The following MMP9 variants were observed in gnomAD, a reference collection of about 807,000 sequenced individuals.
The protein encoded by MMP9 is matrix metallopeptidase 9, also known as matrix metalloproteinase-9.
Under a neutral mutation model 76.4 loss-of-function variants are expected in MMP9, and 73 were observed. That is an observed-to-expected ratio of 0.96 (90% confidence interval 0.79 to 1.16). The LOEUF (loss-of-function observed/expected upper bound fraction) is 1.16, where lower values mean the gene tolerates loss of function less well. MMP9 is among the 50% of genes most tolerant of loss of function. The pLI is 0.00. For synonymous variants in MMP9, 412 were observed against 408.4 expected (o/e 1.01, Z -0.11); for missense variants, 943 against 973.0 (o/e 0.97, Z 0.41).
chr20:46,012,335 CGGG>C, intron 7 of MMP9, 22 bp downstream of exon 7: 1 of 1,612,632 alleles, frequency 6.2e-7, no homozygotes, highest in East Asian at 2.2e-5. Flanking sequence ...CCCGCGGCTC[CGGG>C]GCTGGGGTTC....
At chr20:46,014,547 G>A in intron 12 of MMP9, 73 bp downstream of exon 12, 3 of 1,443,510 alleles carry the variant, frequency 2.1e-6, no homozygotes, top group Non-Finnish European at 2.8e-6. Flanking sequence ...AATTCTGAGC[G>A]AGGAAGAAAA....
rs764040727 is a variant in MMP9 at position 46,009,988 on chromosome 20, T to C, written c.261T>C (p.Asp87=). The change falls in exon 2 of 13, where the codon GAT becomes GAC. Residue 87 remains aspartate (D), a synonymous_variant. Transcript: ENST00000372330. ...QLSLPETGEL[D]SATLKAMRTP... is the part of the protein sequence containing the mutation. ...CCCTGCCCGAGACCGGTGAGCTGGA[T>C]AGCGCCACGCTGAAGGCCATGCGAA... The C allele has an allele frequency of 8.4e-6, 13 of 1,551,604 alleles. No homozygotes were observed. Among genetic ancestry groups the C allele is most frequent in the South Asian group, 1.2e-5 (1 of 84,068 alleles).
chr20:46,010,334 A>AACAAACAAAC lies in MMP9; in HGVS notation c.372-148_372-147insCAAACAAACA, dbSNP rs753339495. 17,138 of 518,132 alleles carry AACAAACAAAC rather than the reference A, an allele frequency of 0.033. 1,740 individuals carry two copies. Among genetic ancestry groups the AACAAACAAAC allele is most frequent in the Non-Finnish European group, 0.039 (12,798 of 327,868 alleles). The allele number at this position is 518,132 out of a possible 1,614,324, so 32.1% of individuals were successfully genotyped here. On this transcript the variant is annotated intron_variant, in intron 2 of 12. Coordinates refer to ENST00000372330, the MANE Select transcript of MMP9 (RefSeq NM_004994.3). ...GGTCTAAGTAGACAAAAAAAAAAAA[A>AACAAACAAAC]AAAAAAACAGTCTGGAAGCAATTTA...
In MMP9 at chr20:46,013,311, G is replaced by T. The variant is rs372797556; in HGVS notation, c.1387G>T (p.Ala463Ser). The change falls in exon 9 of 13, where the codon GCT becomes TCT. Residue 463 changes from alanine (A) to serine (S), a missense_variant. Ala to Ser is a moderately conservative substitution (Grantham distance 99). Transcript: ENST00000372330. This position sits in a 1 kb window ranked among gnomAD's most constrained non-coding sequence, Gnocchi z 4.5. ...AACCACCACCACACCGCAGCCCACGGCTCCCCCGACGGTCTGCCCCACCGG... is the reference window on the plus strand; with the variant it reads ...AACCACCACCACACCGCAGCCCACGTCTCCCCCGACGGTCTGCCCCACCGG... ...PPTTTTPQPTAPPTVCPTGPP... is the reference protein window; with the variant it reads ...PPTTTTPQPTSPPTVCPTGPP... The T allele has an allele frequency of 5.0e-6, 8 of 1,613,940 alleles. No homozygotes were observed. Among genetic ancestry groups the T allele is most frequent in the Non-Finnish European group, 6.8e-6 (8 of 1,179,954 alleles).
rs1292503369 is a variant in MMP9 at position 46,010,519 on chromosome 20, G to A, written c.408G>A (p.Val136=). The stretch of plus-strand genomic sequence containing the variant: ...ACTCGGAAGACTTGCCGCGGGCGGT[G>A]ATTGACGACGCCTTTGCCCGCGCCT... The part of the protein sequence containing the change: ...QNYSEDLPRA[V]IDDAFARAFA... Residue 136 remains valine (V), a synonymous_variant, in exon 3 of 13, where the codon GTG becomes GTA. Coordinates refer to ENST00000372330, the MANE Select transcript of MMP9 (RefSeq NM_004994.3). 6.2e-7 allele frequency: 1 copy of A among 1,614,228 alleles called. No homozygotes were observed. Among genetic ancestry groups the A allele is most frequent in the South Asian group, 1.1e-5 (1 of 91,082 alleles).
chr20:46,012,052 G>A (rs938030648), intron 6 of MMP9, 85 bp from the exon 7 acceptor site: 1 of 1,553,296 alleles, frequency 6.4e-7, no homozygotes, highest in Non-Finnish European at 8.8e-7. Flanking sequence ...AGGCCACCAA[G>A]ATTGTTTAGC....
intron 2 of MMP9, 24 bp downstream of exon 2, chr20:46,010,122 C>CTGG: frequency 5.1e-6 from 4 of 781,160 alleles, no homozygotes; most frequent in East Asian, 3.8e-5. Context: ...GTGGGGGCAG[C>CTGG]GGGGTGGGGC....
In MMP9 at chr20:46,011,368, C is replaced by T. The variant is rs760189501; in HGVS notation, c.823+52C>T. ...GGGGGCGCCCACCACCCTTGATGGTCCTGGGTTCTAATTCCAGCTCTGCCA... is the reference window on the plus strand; with the variant it reads ...GGGGGCGCCCACCACCCTTGATGGTTCTGGGTTCTAATTCCAGCTCTGCCA... On this transcript the variant is annotated intron_variant, in intron 5 of 12. Coordinates refer to ENST00000372330, the MANE Select transcript of MMP9 (RefSeq NM_004994.3). 2.5e-6 allele frequency: 4 copies of T among 1,588,576 alleles called. No homozygotes were observed. In the East Asian group the frequency reaches 6.7e-5, roughly 27 times the overall value.
chr20:46,014,005 G>A (rs1600576851), intron 10 of MMP9, 119 bp from the exon 11 acceptor site: 1 of 1,478,038 alleles, frequency 6.8e-7, no homozygotes, highest in Non-Finnish European at 9.1e-7. Context: ...CTGCCCCTGG[G>A]TTGCAGGGAC....
At chr20:46,011,489 C>T in intron 5 of MMP9, 85 bp from the exon 6 acceptor site, 1 of 1,586,084 alleles carries the variant, frequency 6.3e-7, no homozygotes, top group South Asian at 1.1e-5. Flanking sequence ...GCAGACCATC[C>T]ATGGGTCAAA....
intron 6 of MMP9, 110 bp downstream of exon 6, chr20:46,011,857 C>T (rs1468170545): frequency 2.9e-6 from 4 of 1,365,120 alleles, no homozygotes; most frequent in African/African-American, 1.4e-5. Flanking sequence ...CATTGGTCCT[C>T]AGGACGACCG....
Position 46,013,329 on chromosome 20 carries a change from C to T in MMP9, c.1405C>T (p.Pro469Ser). The T allele has an allele frequency of 6.2e-7, 1 of 1,613,698 alleles. No individual in the cohort carries two copies. The highest frequency in any genetic ancestry group is 1.1e-5 in the South Asian group (1 of 91,046). ...PQPTAPPTVC[P>S]TGPPTVHPSE... ...GCCCACGGCTCCCCCGACGGTCTGC[C>T]CCACCGGACCCCCCACTGTCCACCC... The change falls in exon 9 of 13, where the codon CCC becomes TCC. Residue 469 changes from proline to serine, a missense_variant. Transcript: ENST00000372330. This position sits in a 1 kb window ranked among gnomAD's most constrained non-coding sequence, Gnocchi z 4.5.
intron 2 of MMP9, 62 bp from the exon 3 acceptor site, chr20:46,010,421 T>C: frequency 6.3e-7 from 1 of 1,590,592 alleles, no homozygotes; most frequent in Non-Finnish European, 8.6e-7. Flanking sequence ...ATATGGGGTG[T>C]CCCTGCTGCC....
At chr20:46,010,333 A>ACAAAAAAAAACAAAC in intron 2 of MMP9, 150 bp from the exon 3 acceptor site, 1 of 827,760 alleles carries the variant, frequency 1.2e-6, no homozygotes. Context: ...AAAAAAAAAA[A>ACAAAAAAAAACAAAC]AAAAAAAACA....
Position 46,009,971 on chromosome 20 carries a change from G to A in MMP9, c.244G>A (p.Glu82Lys), listed in dbSNP as rs1805089. Residue 82 changes from glutamate to lysine, a missense_variant, in exon 2 of 13, where the codon GAG (glutamate) becomes AAG (lysine). Physicochemically the swap from Glu to Lys is moderately conservative, Grantham distance 56. Coordinates refer to ENST00000372330, the MANE Select transcript of MMP9 (RefSeq NM_004994.3). ...LLLQKQLSLP[E>K]TGELDSATLK... ...TCTCCAGAAGCAACTGTCCCTGCCC[G>A]AGACCGGTGAGCTGGATAGCGCCAC... 3.2e-6 allele frequency: 5 copies of A among 1,551,858 alleles called. No homozygotes were observed. Among genetic ancestry groups the A allele is most frequent in the Non-Finnish European group, 3.5e-6 (4 of 1,147,062 alleles).
rs773001843 is a variant in MMP9, at chr20:46,013,420, C to T, written c.1496C>T (p.Ala499Val). ...PSAGPTGPPT[A>V]GPSTATTVPL... is the part of the protein sequence containing the mutation. ...GCTGGCCCCACAGGTCCCCCCACTG[C>T]TGGCCCTTCTACGGCCACTACTGTG... The change falls in exon 9 of 13, where the codon GCT (alanine) becomes GTT (valine). Residue 499 changes from alanine to valine, a missense_variant. Ala to Val is a moderately conservative substitution (Grantham distance 64, BLOSUM62 0). Coordinates refer to ENST00000372330, the MANE Select transcript of MMP9 (RefSeq NM_004994.3). This position sits in a 1 kb window ranked among gnomAD's most constrained non-coding sequence, Gnocchi z 4.5. The T allele has an allele frequency of 6.2e-7, 1 of 1,613,950 alleles. No homozygotes were observed. Among genetic ancestry groups the T allele is most frequent in the Non-Finnish European group, 8.5e-7 (1 of 1,179,900 alleles).
chr20:46,012,362 TGGTGGGGTGGC>T, intron 7 of MMP9, 49 bp downstream of exon 7: 1 of 1,612,764 alleles, frequency 6.2e-7, no homozygotes, highest in South Asian at 1.1e-5. Context: ...GCAGTGGTGG[TGGTGGGGTGGC>T]CAGGGCTGGG....
chr20:46,011,497 A>G lies in MMP9; in HGVS notation c.824-77A>G. ...ATGAACTGCAGACCATCCATGGGTC[A>G]AAGAACAGGACACACTTGGGGGTTA... On this transcript the variant is annotated intron_variant, in intron 5 of 12. Transcript: ENST00000372330. 1.9e-6 allele frequency: 3 copies of G among 1,596,804 alleles called. No individual in the cohort carries two copies. The South Asian group carries it at 3.3e-5, about 18-fold the overall frequency.
rs905604332 is a variant in MMP9 at position 46,013,104 on chromosome 20, G to T, written c.1331-151G>T. On this transcript the variant is annotated intron_variant, in intron 8 of 12. Coordinates refer to ENST00000372330, the MANE Select transcript of MMP9 (RefSeq NM_004994.3). The surrounding 1 kb of genome is among the most constrained non-coding windows in gnomAD (Gnocchi z 4.5). Reference sequence around the variant, plus strand: ...TGTCGCTTAAAACGAAAAAGAAGAAGAAGAAAGTCCTGTGGTTTGGGAAGG... The same window carrying T: ...TGTCGCTTAAAACGAAAAAGAAGAATAAGAAAGTCCTGTGGTTTGGGAAGG... The T allele has an allele frequency of 6.6e-6, 6 of 915,328 alleles. No individual in the cohort carries two copies. Among genetic ancestry groups the T allele is most frequent in the Non-Finnish European group, 8.9e-6 (5 of 560,132 alleles). 56.7% of individuals were successfully genotyped at this position (915,328 alleles called of 1,614,324 possible). A position where few individuals can be genotyped will look rare whatever the true frequency, so the allele number is the denominator to read the frequency against.
Sources: allele counts gnomAD v4.1 joint callset, GRCh38; gene constraint gnomAD v4.1.1; non-coding constraint Gnocchi (gnomAD v3.1); transcripts MANE v1.5; gene names NCBI Gene and HGNC (gene_info 2026-07-23, HGNC 2026-07-21).